The following PLCH1 variants were observed in gnomAD, a reference collection of about 807,000 sequenced individuals.
PLCH1 encodes the protein phospholipase C eta 1.
In PLCH1, 60 loss-of-function variants were observed where a neutral mutation model predicts 126.7. The observed-to-expected ratio is 0.47, with a 90% CI of 0.38 to 0.59. The LOEUF is 0.59. Among genes scored for constraint, PLCH1 ranks in the 20% least tolerant of loss-of-function variants. The pLI, the probability that PLCH1 is intolerant of heterozygous loss-of-function variation, is 0.00. For synonymous variants in PLCH1, 719 were observed against 734.9 expected (o/e 0.98, Z 0.35); for missense variants, 1,723 against 2,040.0 (o/e 0.84, Z 2.99).
At chr3:155,513,232 A>C (rs900597761) in intron 12 of PLCH1, among the ~76,000 whole-genome samples, 4 of 152,226 alleles carry the variant, frequency 2.6e-5, no homozygotes, top group African/African-American at 9.6e-5. Context: ...CCAGTGAACC[A>C]AAACCATATT....
At chr3:155,566,009 A>G (rs1678596591) in intron 7 of PLCH1, among the ~76,000 whole-genome samples, 1 of 149,748 alleles carries the variant, frequency 6.7e-6, no homozygotes, top group Non-Finnish European at 1.5e-5. Flanking sequence ...GGTATTTCCT[A>G]ATGGCAACAC....
At chr3:155,510,990 C>A (rs1158258673) in intron 12 of PLCH1, among the ~76,000 whole-genome samples, 3 of 126,732 alleles carry the variant, frequency 2.4e-5, no homozygotes, top group African/African-American at 1.1e-4. Flanking sequence ...CTTTCAGGTA[C>A]ACCAATCATA....
At chr3:155,557,933 T>C (rs1012675917) in intron 8 of PLCH1, among the ~76,000 whole-genome samples, 3 of 151,976 alleles carry the variant, frequency 2.0e-5, no homozygotes, top group Admixed American at 2.0e-4. Flanking sequence ...AGAATGAAAA[T>C]CCCCTGGACA....
intron 21 of PLCH1, among the ~76,000 whole-genome samples, chr3:155,486,549 G>C (rs1171063623): frequency 8.0e-6 from 1 of 125,460 alleles, no homozygotes; most frequent in East Asian, 2.3e-4. Context: ...ACGGAGTCTC[G>C]CTCTGTCGCC....
chr3:155,716,056 G>A (rs1182619131), intron 1 of PLCH1, among the ~76,000 whole-genome samples: 1 of 152,162 alleles, frequency 6.6e-6, no homozygotes, highest in Non-Finnish European at 1.5e-5. Context: ...TTGACTCATA[G>A]TATTTTTGTT....
At chr3:155,568,376 C>T in intron 6 of PLCH1, 52 bp from the exon 7 acceptor site, 1 of 756,550 alleles carries the variant, frequency 1.3e-6, no homozygotes, top group Non-Finnish European at 2.3e-6. Flanking sequence ...AAACTATGTT[C>T]CTCCACAGTA....
chr3:155,664,147 G>T (rs1343680757), intron 2 of PLCH1, among the ~76,000 whole-genome samples: 1 of 152,192 alleles, frequency 6.6e-6, no homozygotes, highest in Non-Finnish European at 1.5e-5. Flanking sequence ...ACTGGCAAAG[G>T]CAGCATAGTA....
chr3:155,660,763 C>T (rs1210482960), intron 2 of PLCH1, among the ~76,000 whole-genome samples: 4 of 152,104 alleles, frequency 2.6e-5, no homozygotes. Context: ...AATCAACATG[C>T]CCCTTTTTTA....
intron 10 of PLCH1, among the ~76,000 whole-genome samples, chr3:155,541,810 A>C (rs1467665001): frequency 1.0e-5 from 1 of 95,242 alleles, no homozygotes; most frequent in Non-Finnish European, 2.5e-5. Context: ...ACAAACCTTC[A>C]ATTTGTTACA....
intron 2 of PLCH1, among the ~76,000 whole-genome samples, chr3:155,669,888 C>T (rs1461280998): frequency 2.6e-5 from 4 of 152,116 alleles, no homozygotes; most frequent in Admixed American, 2.6e-4. Flanking sequence ...TTGTTGATCA[C>T]ATAAAAGTTT....
At chr3:155,550,110 T>G in intron 9 of PLCH1, 152 bp from the exon 10 acceptor site, 1 of 551,524 alleles carries the variant, frequency 1.8e-6, no homozygotes, top group Non-Finnish European at 3.1e-6. Flanking sequence ...ATGAGAAAGA[T>G]TAGAAATGCA....
chr3:155,744,405 C>G (rs758600555), intron 1 of PLCH1, among the ~76,000 whole-genome samples: 2 of 152,194 alleles, frequency 1.3e-5, no homozygotes, highest in Non-Finnish European at 2.9e-5. Context: ...CCAAGTGTAA[C>G]GGACGCTGCA....
intron 1 of PLCH1, among the ~76,000 whole-genome samples, chr3:155,732,600 G>C (rs1263478032): frequency 6.6e-6 from 1 of 152,022 alleles, no homozygotes; most frequent in Admixed American, 6.6e-5. Flanking sequence ...AGTTATGGCT[G>C]GGTATGGTGG....
intron 2 of PLCH1, among the ~76,000 whole-genome samples, chr3:155,655,048 T>G (rs1014212560): frequency 6.6e-6 from 1 of 152,202 alleles, no homozygotes; most frequent in Non-Finnish European, 1.5e-5. Context: ...CTGAACACTC[T>G]GCCTTTAGAT....
chr3:155,614,260 A>G (rs1016357644), intron 2 of PLCH1, among the ~76,000 whole-genome samples: 3 of 152,100 alleles, frequency 2.0e-5, no homozygotes, highest in African/African-American at 4.8e-5. Flanking sequence ...GCCCATCAAA[A>G]TACCATCATT....
At chr3:155,460,056 A>G (rs534090192) in intron 21 of PLCH1, among the ~76,000 whole-genome samples, 13 of 152,326 alleles carry the variant, frequency 8.5e-5, no homozygotes, top group African/African-American at 2.9e-4. Context: ...GTTGAGATGC[A>G]CACTAAAGTT....
At position 155,462,556 on chromosome 3, in the gene PLCH1, G is replaced by A. The variant is rs566212753; in HGVS notation, c.2938+22800C>T. On this transcript the variant is annotated intron_variant, in intron 21 of 21. Transcript: ENST00000494598. Reference sequence around the variant, plus strand: ...TTGCCCCTCCCTTCTTGAGGAAATAGTGAAAAATATCTTGTTCTCGTACAA... The same window carrying A: ...TTGCCCCTCCCTTCTTGAGGAAATAATGAAAAATATCTTGTTCTCGTACAA... Among the ~76,000 whole-genome samples the A allele has an allele frequency of 6.3e-4, 96 of 152,244 alleles. No individual in the cohort carries two copies. In the Middle Eastern group the frequency reaches 0.01, roughly 16 times the overall value.
chr3:155,556,072 A>T (rs576085132), intron 8 of PLCH1, among the ~76,000 whole-genome samples: 2 of 152,226 alleles, frequency 1.3e-5, no homozygotes, highest in Non-Finnish European at 2.9e-5. Context: ...TTAAAACTAC[A>T]ATATGGGTCA....
intron 6 of PLCH1, among the ~76,000 whole-genome samples, chr3:155,573,389 T>C (rs944055323): frequency 7.2e-5 from 11 of 152,206 alleles, no homozygotes; most frequent in Non-Finnish European, 1.6e-4. Context: ...ACAACGACTG[T>C]TTATTTGATA....
Sources: gnomAD v4.1 joint callset for allele counts (sites outside exome capture counted in the v4.1 genomes callset) on GRCh38, gnomAD v4.1.1 for gene constraint, MANE v1.5 for transcripts, NCBI Gene and HGNC (gene_info 2026-07-23, HGNC 2026-07-21) for gene names.